Variants in PTPRB observed in about 807,000 individuals in gnomAD.
The protein encoded by PTPRB is receptor-type tyrosine-protein phosphatase beta.
Under a neutral mutation model 238.1 loss-of-function variants are expected in PTPRB, and 97 were observed. The ratio of observed to expected loss-of-function variants is 0.41; its 90% CI spans 0.35 to 0.48. The LOEUF (loss-of-function observed/expected upper bound fraction) is 0.48. Among genes scored for constraint, PTPRB ranks in the 20% least tolerant of loss-of-function variants. The probability of loss-of-function intolerance (pLI) is 0.30; values close to 1 mark genes in which losing one functional copy is unlikely to be tolerated. For missense variants in PTPRB, 2,292 were observed against 2,681.9 expected, an observed-to-expected ratio of 0.85 and a Z score of 3.21; for synonymous variants, 970 against 995.4, an observed-to-expected ratio of 0.97 and a Z score of 0.48.
At position 70,534,601 on chromosome 12, in the gene PTPRB, C is replaced by T. The variant is rs779459455; in HGVS notation, c.6255G>A (p.Val2085=). 8.7e-6 allele frequency: 14 copies of T among 1,612,916 alleles called. No individual in the cohort carries two copies. In the South Asian group the frequency reaches 1.4e-4, roughly 17 times the overall value. ...HRLIRHFHYT[V]WPDHGVPETT... ...TTTCTGGGACTCCATGGTCTGGCCACACCGTATAGTGAAAGTGGCGGATGA... is the reference window on the plus strand; with the variant it reads ...TTTCTGGGACTCCATGGTCTGGCCATACCGTATAGTGAAAGTGGCGGATGA... The change falls in exon 31 of 34, where the codon GTG becomes GTA. Residue 2085 remains valine (V), a synonymous_variant. Coordinates refer to ENST00000334414, the MANE Select transcript of PTPRB (RefSeq NM_001109754.4).
rs370547556 is a variant in PTPRB at position 70,581,099 on chromosome 12, C to T, written c.2515G>A (p.Val839Met). The T allele has an allele frequency of 8.1e-5, 130 of 1,613,906 alleles. 1 individual carries two copies. The East Asian group carries it at 1.2e-3, about 15-fold the overall frequency. The change falls in exon 10 of 34, where the codon GTG becomes ATG. Residue 839 changes from valine (V) to methionine (M), a missense_variant. This residue lies in a region of PTPRB where 1,205 missense variants were observed against 1,287.8 expected (regional missense o/e 0.94). Transcript: ENST00000334414. ...CCTCCACTCACTGTTGTTACCACCA[C>T]GGAGTACAGGCTGCCGGACTTGAGA... is the stretch of plus-strand genomic sequence containing the variant. ...HSLKSGSLYS[V>M]VVTTVSGGIS... is the part of the protein sequence containing the mutation.
Position 70,520,152 on chromosome 12 carries a change from A to C in PTPRB, c.*1337T>G, listed in dbSNP as rs1871510931. 4.5e-6 allele frequency: 2 copies of C among 447,924 alleles called. No homozygotes were observed. The highest frequency in any genetic ancestry group is 8.9e-6 in the Non-Finnish European group (2 of 224,524). 27.7% of individuals were successfully genotyped at this position (447,924 alleles called of 1,614,324 possible). A position where few individuals can be genotyped will look rare whatever the true frequency, so the allele number is the denominator to read the frequency against. ...GCAAACATCTCCAGCTCATCTTCTC[A>C]GGTATCTATGAAGATTCCGTACAAA... On this transcript the variant is annotated 3_prime_UTR_variant, in exon 34 of 34. Coordinates refer to ENST00000334414, the MANE Select transcript of PTPRB (RefSeq NM_001109754.4).
intron 26 of PTPRB, chr12:70,539,262 C>A: frequency 3.6e-6 from 2 of 557,066 alleles, no homozygotes; most frequent in South Asian, 5.1e-5. Context: ...AGTGGCAAAC[C>A]TGAGAATCAG....
intron 4 of PTPRB, among the ~76,000 whole-genome samples, chr12:70,603,652 A>C (rs1279572829): frequency 6.6e-6 from 1 of 152,214 alleles, no homozygotes; most frequent in Non-Finnish European, 1.5e-5. Context: ...GGAAGTAATA[A>C]TAGGAAACTC....
intron 11 of PTPRB, among the ~76,000 whole-genome samples, chr12:70,576,101 G>A (rs569186995): frequency 6.6e-6 from 1 of 152,248 alleles, no homozygotes; most frequent in South Asian, 2.1e-4. Context: ...GAGTTCATAA[G>A]GGTTAGTTAT....
chr12:70,530,364 AC>A (rs1399557168), intron 32 of PTPRB, among the ~76,000 whole-genome samples: 1 of 152,162 alleles, frequency 6.6e-6, no homozygotes, highest in Non-Finnish European at 1.5e-5. Flanking sequence ...ACACTTATAT[AC>A]CCGTACATAT....
chr12:70,571,886 C>T lies in PTPRB; in HGVS notation c.3044G>A (p.Ser1015Asn), dbSNP rs964187110. 6 of 1,613,816 alleles carry T rather than the reference C, an allele frequency of 3.7e-6. No homozygotes were observed. In the African/African-American group the frequency reaches 6.7e-5, roughly 18 times the overall value. The part of the protein sequence containing the change: ...FVQLVPGRLY[S>N]VTVTTKSGQY... The stretch of plus-strand genomic sequence containing the variant: ...TCCACTTTTTGTAGTAACAGTGACA[C>T]TGTACAACCGTCCAGGGACTAGCTG... The change falls in exon 12 of 34, where the codon AGT (serine) becomes AAT (asparagine). Residue 1015 changes from serine (S) to asparagine (N), a missense_variant. This residue lies in a region of PTPRB where 1,205 missense variants were observed against 1,287.8 expected (regional missense o/e 0.94). Transcript: ENST00000334414.
At position 70,576,614 on chromosome 12, in the gene PTPRB, G is replaced by T. The variant is rs1480195207; in HGVS notation, c.2610C>A (p.Asn870Lys). ...TGAGGTAGTCATTACGACCGGAATT[G>T]TTCACCGTTACTCCACTCACACTGG... ...VPSSVSGVTVNNSGRNDYLSV... is the reference protein window; with the variant it reads ...VPSSVSGVTVKNSGRNDYLSV... Residue 870 changes from asparagine (N) to lysine (K), a missense_variant, in exon 11 of 34, where the codon AAC becomes AAA. Around this residue, in one of 4 missense-constraint regions of PTPRB, gnomAD observed 1,205 missense variants for 1,287.8 expected, o/e 0.94. Transcript: ENST00000334414. 43 of 1,419,796 alleles carry T rather than the reference G, an allele frequency of 3.0e-5. No individual in the cohort carries two copies. The highest frequency in any genetic ancestry group is 3.8e-5 in the Non-Finnish European group (41 of 1,067,492). 87.9% of individuals were successfully genotyped at this position (1,419,796 alleles called of 1,614,324 possible). A position where few individuals can be genotyped will look rare whatever the true frequency, so the allele number is the denominator to read the frequency against.
At chr12:70,567,634 A>G (rs1439337839) in intron 14 of PTPRB, among the ~76,000 whole-genome samples, 1 of 152,152 alleles carries the variant, frequency 6.6e-6, no homozygotes, top group Non-Finnish European at 1.5e-5. Flanking sequence ...GAGACCATAC[A>G]TTATTGCAAC....
rs868500092 is a variant in PTPRB at position 70,521,315 on chromosome 12, G to A, written c.*174C>T. Reference sequence around the variant, plus strand: ...AGAAGAAACTACAAAATACAACTATGTACAATAATATCTGTTACCTTTAAA... The same window carrying A: ...AGAAGAAACTACAAAATACAACTATATACAATAATATCTGTTACCTTTAAA... On this transcript the variant is annotated 3_prime_UTR_variant, in exon 34 of 34. Coordinates refer to ENST00000334414, the MANE Select transcript of PTPRB (RefSeq NM_001109754.4). The A allele has an allele frequency of 3.5e-5, 16 of 462,404 alleles. No homozygotes were observed. Among genetic ancestry groups the A allele is most frequent in the South Asian group, 5.9e-5 (1 of 17,004 alleles). The allele number at this position is 462,404 out of a possible 1,614,324, so 28.6% of individuals were successfully genotyped here.
chr12:70,558,228 CCA>C (rs1175056563), intron 18 of PTPRB, among the ~76,000 whole-genome samples: 2 of 152,096 alleles, frequency 1.3e-5, no homozygotes, highest in African/African-American at 4.8e-5. Flanking sequence ...TGAACACAGC[CCA>C]CAGTCAGCCA....
chr12:70,541,617 C>T, intron 22 of PTPRB: 1 of 152,008 alleles, frequency 6.6e-6, no homozygotes, highest in Middle Eastern at 3.1e-3. Flanking sequence ...CAGTCAGTCC[C>T]ACTCCTCCCT....
intron 10 of PTPRB, 120 bp downstream of exon 10, chr12:70,580,916 C>G: frequency 8.5e-7 from 1 of 1,181,034 alleles, no homozygotes; most frequent in Non-Finnish European, 1.2e-6. Flanking sequence ...TTTTGTGAAA[C>G]TTAGCTTTTG....
chr12:70,532,334 A>ACCCC (rs369895885), intron 31 of PTPRB, among the ~76,000 whole-genome samples, 164 bp from the exon 32 acceptor site: 1 of 68,838 alleles, frequency 1.5e-5, no homozygotes, highest in African/African-American at 5.3e-5. Context: ...CCCCAACCCC[A>ACCCC]CCCCCCCACA....
Position 70,581,304 on chromosome 12 carries a change from T to A in PTPRB, c.2312-2A>T, listed in dbSNP as rs1211454919. On this transcript the variant is annotated splice_acceptor_variant, in intron 9 of 33. Transcript: ENST00000334414. LOFTEE classifies it high-confidence loss of function. The stretch of plus-strand genomic sequence containing the variant: ...GCAAGTCAGTCACTTGGGCAGGCAC[T>A]AAAACAGTAGACAGAAGAAAAAACA... The A allele has an allele frequency of 6.2e-7, 1 of 1,607,264 alleles. No individual in the cohort carries two copies. The highest frequency in any genetic ancestry group is 8.5e-7 in the Non-Finnish European group (1 of 1,176,454).
chr12:70,539,461 A>G (rs1374775739), intron 26 of PTPRB, 164 bp downstream of exon 26: 14 of 628,402 alleles, frequency 2.2e-5, no homozygotes, highest in African/African-American at 7.4e-5. Flanking sequence ...TAGATGGTAT[A>G]TTCTATTCAG....
intron 16 of PTPRB, 100 bp from the exon 17 acceptor site, chr12:70,561,034 G>A (rs12580379): frequency 0.19 from 233,052 of 1,208,210 alleles, 23,511 homozygotes; most frequent in South Asian, 0.3. Flanking sequence ...TGGGTGAGTC[G>A]TACATATTGT....
intron 2 of PTPRB, among the ~76,000 whole-genome samples, chr12:70,626,378 C>CCTGCCTGCCTGT (rs1395954842): frequency 1.4e-5 from 2 of 144,440 alleles, no homozygotes; most frequent in African/African-American, 5.4e-5. Context: ...TTCCTGCCTG[C>CCTGCCTGCCTGT]CTGCCTGCCT....
intron 1 of PTPRB, among the ~76,000 whole-genome samples, chr12:70,636,390 A>G (rs1298012786): frequency 6.6e-6 from 1 of 151,868 alleles, no homozygotes; most frequent in East Asian, 1.9e-4. Context: ...CAAAGTATAT[A>G]GTATATTTTA....
Sources: allele counts gnomAD v4.1 joint callset (sites outside exome capture counted in the v4.1 genomes callset), GRCh38; gene constraint gnomAD v4.1.1; regional missense constraint gnomAD v4.1.1; transcripts MANE v1.5; gene names NCBI Gene and HGNC (gene_info 2026-07-23, HGNC 2026-07-21).